Variants in TAFA5 observed in about 807,000 individuals in gnomAD.
The protein encoded by TAFA5 is TAFA chemokine like family member 5.
Under a neutral mutation model 15.3 loss-of-function variants are expected in TAFA5, and 6 were observed. The observed-to-expected ratio is 0.39, with a 90% CI of 0.21 to 0.77. The LOEUF is 0.77. Among genes scored for constraint, TAFA5 ranks in the 30% least tolerant of loss-of-function variants. The pLI is 0.41. For synonymous variants in TAFA5, 103 were observed against 80.7 expected (o/e 1.28, Z -1.48); for missense variants, 161 against 193.1 (o/e 0.83, Z 0.98).
At chr22:48,682,012 C>T (rs2147231084) in intron 2 of TAFA5, among the ~76,000 whole-genome samples, 1 of 60,440 alleles carries the variant, frequency 1.7e-5, no homozygotes, top group Middle Eastern at 8.9e-3. Context: ...CGGGGCCTCC[C>T]AGGGCCTGAG....
chr22:48,555,164 G>A (rs917723627), intron 1 of TAFA5, among the ~76,000 whole-genome samples: 2 of 152,218 alleles, frequency 1.3e-5, no homozygotes, highest in African/African-American at 4.8e-5. Flanking sequence ...GGCACACAGG[G>A]GCTCCGTGGA....
chr22:48,683,257 A>T (rs1928252090), intron 2 of TAFA5, among the ~76,000 whole-genome samples: 1 of 152,160 alleles, frequency 6.6e-6, no homozygotes, highest in African/African-American at 2.4e-5. Context: ...CCTCCCACGT[A>T]ATAAAGACTT....
chr22:48,637,268 C>T lies in TAFA5; in HGVS notation c.113-9329C>T, dbSNP rs149694633. Reference sequence around the variant, plus strand: ...CGTGTACCTCACTAAATGAGTGTGGCGTAGGGGTGCATGTGTGCCTGTGAG... The same window carrying T: ...CGTGTACCTCACTAAATGAGTGTGGTGTAGGGGTGCATGTGTGCCTGTGAG... On this transcript the variant is annotated intron_variant, in intron 1 of 3. Coordinates refer to ENST00000402357, the MANE Select transcript of TAFA5 (RefSeq NM_001082967.3). Among the ~76,000 whole-genome samples the T allele has an allele frequency of 9.2e-3, 1,394 of 152,180 alleles. 29 individuals are homozygous for T. Among genetic ancestry groups the T allele is most frequent in the African/African-American group, 0.031 (1,307 of 41,532 alleles).
chr22:48,659,364 A>C (rs1394848254), intron 2 of TAFA5, among the ~76,000 whole-genome samples: 1 of 152,244 alleles, frequency 6.6e-6, no homozygotes, highest in East Asian at 1.9e-4. Context: ...TCCACAGACC[A>C]GCCAGGAGGC....
chr22:48,544,953 C>G (rs537059554), intron 1 of TAFA5: 9 of 452,356 alleles, frequency 2.0e-5, no homozygotes, highest in African/African-American at 1.4e-4. Context: ...GGATGCTGAG[C>G]GCACCTGCTT....
intron 1 of TAFA5, among the ~76,000 whole-genome samples, chr22:48,532,811 T>A (rs921157420): frequency 5.3e-5 from 8 of 152,144 alleles, no homozygotes; most frequent in African/African-American, 1.9e-4. Flanking sequence ...CCGGCTCCCA[T>A]CGGGAAGACG....
intron 1 of TAFA5, among the ~76,000 whole-genome samples, chr22:48,502,687 A>G (rs1022684949): frequency 1.3e-5 from 2 of 151,918 alleles, no homozygotes; most frequent in Non-Finnish European, 2.9e-5. Flanking sequence ...ACACCTGGCT[A>G]ATTTTTGTAT....
intron 2 of TAFA5, among the ~76,000 whole-genome samples, chr22:48,656,631 A>G (rs1927253296): frequency 6.6e-6 from 1 of 152,056 alleles, no homozygotes; most frequent in South Asian, 2.1e-4. Flanking sequence ...TGGAAGAAAG[A>G]CAATAATAAA....
intron 1 of TAFA5, among the ~76,000 whole-genome samples, chr22:48,519,617 G>A (rs538287664): frequency 2.0e-5 from 3 of 152,300 alleles, no homozygotes; most frequent in African/African-American, 7.2e-5. Context: ...GGGGACAGGC[G>A]GGAGGCCTGG....
At position 48,534,164 on chromosome 22, in the gene TAFA5, G is replaced by A. The variant is rs527258952; in HGVS notation, c.112+44460G>A. Among the ~76,000 whole-genome samples, 8 of 150,608 alleles carry A rather than the reference G, an allele frequency of 5.3e-5. No homozygotes were observed. In the Middle Eastern group the frequency reaches 0.01, roughly 195 times the overall value. ...GAGGGAGGTCAGGCAGGTGAGGGGG[G>A]CCAGGCAGGTGAGGTGGGTCAAGCA... On this transcript the variant is annotated intron_variant, in intron 1 of 3. Transcript: ENST00000402357.
chr22:48,504,052 T>G (rs1419310577), intron 1 of TAFA5, among the ~76,000 whole-genome samples: 2 of 152,216 alleles, frequency 1.3e-5, no homozygotes, highest in Non-Finnish European at 2.9e-5. Context: ...CAACACCCAG[T>G]TGCTCACTCT....
intron 3 of TAFA5, among the ~76,000 whole-genome samples, chr22:48,733,948 G>A (rs1216503603): frequency 6.6e-6 from 1 of 152,164 alleles, no homozygotes; most frequent in East Asian, 1.9e-4. Flanking sequence ...GCCAAGAGCT[G>A]GAATGGGCAG....
rs1177557710 is a variant in TAFA5 at position 48,681,662 on chromosome 22, A to AAAAG, written c.263-26052_263-26051insGAAA. Among the ~76,000 whole-genome samples the AAAAG allele has an allele frequency of 1.7e-4, 25 of 151,370 alleles. No homozygotes were observed. In the South Asian group the frequency reaches 2.7e-3, roughly 16 times the overall value. The stretch of plus-strand genomic sequence containing the variant: ...CAAGACTCCATCTCCAAAAAAAAAA[A>AAAAG]AAAAGAAAAGAAAAAAGAAAAAAAC... On this transcript the variant is annotated intron_variant, in intron 2 of 3. Transcript: ENST00000402357.
At chr22:48,667,678 T>C in intron 2 of TAFA5, among the ~76,000 whole-genome samples, 1 of 152,164 alleles carries the variant, frequency 6.6e-6, no homozygotes, top group African/African-American at 2.4e-5. Flanking sequence ...AATAATCGGC[T>C]TCTGGCCACC....
chr22:48,581,528 C>T (rs1052842198), intron 1 of TAFA5, among the ~76,000 whole-genome samples: 2 of 152,152 alleles, frequency 1.3e-5, no homozygotes, highest in African/African-American at 2.4e-5. Flanking sequence ...CGTCTCTGGG[C>T]GCGCGGAGCT....
intron 2 of TAFA5, among the ~76,000 whole-genome samples, chr22:48,703,329 G>A (rs1374626405): frequency 2.6e-5 from 4 of 152,178 alleles, no homozygotes; most frequent in Admixed American, 6.5e-5. Context: ...GGACCCCGCC[G>A]TCCTTCCTTC....
At chr22:48,497,283 GCGGTCCCA>G in intron 1 of TAFA5, among the ~76,000 whole-genome samples, 1 of 152,206 alleles carries the variant, frequency 6.6e-6, no homozygotes, top group East Asian at 1.9e-4. Context: ...GCCGGGGCCT[GCGGTCCCA>G]CGGGGCCCGG....
chr22:48,544,273 A>C (rs190715435), intron 1 of TAFA5: 75 of 221,442 alleles, frequency 3.4e-4, no homozygotes, highest in African/African-American at 1.5e-3. Context: ...GGGGTCCAGG[A>C]CCTCTGCAGA....
intron 1 of TAFA5, among the ~76,000 whole-genome samples, chr22:48,632,906 G>A (rs1347305581): frequency 6.6e-6 from 1 of 152,154 alleles, no homozygotes; most frequent in African/African-American, 2.4e-5. Context: ...TACAACACTA[G>A]AGACCCCATG....
Sources: gnomAD v4.1 joint callset for allele counts (sites outside exome capture counted in the v4.1 genomes callset) on GRCh38, gnomAD v4.1.1 for gene constraint, MANE v1.5 for transcripts, NCBI Gene and HGNC (gene_info 2026-07-23, HGNC 2026-07-21) for gene names.